NUP54: variants seen among roughly 807,000 people sequenced by gnomAD.
The protein encoded by NUP54 is nucleoporin 54.
Under a neutral mutation model 66.4 loss-of-function variants are expected in NUP54, and 27 were observed. The observed-to-expected ratio is 0.41, with a 90% confidence interval of 0.30 to 0.56. The LOEUF (loss-of-function observed/expected upper bound fraction) is 0.56, where lower values mean the gene tolerates loss of function less well. Ranked by LOEUF, NUP54 falls within the 20% of genes least tolerant of loss-of-function variation. The probability of loss-of-function intolerance (pLI) is 0.34; values close to 1 mark genes in which losing one functional copy is unlikely to be tolerated. For synonymous variants in NUP54, 206 were observed against 210.7 expected (o/e 0.98, Z 0.19); for missense variants, 486 against 596.3 (o/e 0.82, Z 1.93).
intron 9 of NUP54, among the ~76,000 whole-genome samples, chr4:76,120,354 A>G (rs1409275196): frequency 6.6e-6 from 1 of 150,944 alleles, no homozygotes; most frequent in African/African-American, 2.4e-5. Flanking sequence ...CCCTTTCCCC[A>G]CATTCCTGTC....
chr4:76,133,029 C>CTG (rs1730877864), intron 5 of NUP54, among the ~76,000 whole-genome samples: 1 of 147,570 alleles, frequency 6.8e-6, no homozygotes, highest in Non-Finnish European at 1.5e-5. Flanking sequence ...GTATGTGTGT[C>CTG]TATACATAAA....
Position 76,124,747 on chromosome 4 carries a change from C to T in NUP54, c.1066G>A (p.Glu356Lys). 1.6e-6 allele frequency: 2 copies of T among 1,264,756 alleles called. No individual in the cohort carries two copies. Among genetic ancestry groups the T allele is most frequent in the Non-Finnish European group, 2.2e-6 (2 of 893,456 alleles). 78.3% of individuals were successfully genotyped at this position (1,264,756 alleles called of 1,614,324 possible). A position where few individuals can be genotyped will look rare whatever the true frequency, so the allele number is the denominator to read the frequency against. The change falls in exon 9 of 12, where the codon GAA (glutamate) becomes AAA (lysine). Residue 356 changes from glutamate to lysine, a missense_variant. Glu to Lys is a moderately conservative substitution (Grantham distance 56). Coordinates refer to ENST00000264883, the MANE Select transcript of NUP54 (RefSeq NM_017426.4). ...QHQTRLDIIS[E>K]DISELQKNQT... ...TTCTTTTGTAGCTCACTAATATCTT[C>T]AGATATGATCTGTTTAAAAAAAAAT... is the stretch of plus-strand genomic sequence containing the variant.
rs146405163 is a variant in NUP54 at position 76,135,028 on chromosome 4, CATA to C, written c.523-669_523-667del. On this transcript the variant is annotated intron_variant, in intron 4 of 11. Coordinates refer to ENST00000264883, the MANE Select transcript of NUP54 (RefSeq NM_017426.4). ...ATGATGGGTTTATTGGGATGTAACC[CATA>C]ATAAGTTGAGGAGTATCTGTATATC... Among the ~76,000 whole-genome samples, 583 of 152,104 alleles carry C rather than the reference CATA, an allele frequency of 3.8e-3. 5 individuals are homozygous for C. The highest frequency in any genetic ancestry group is 0.014 in the African/African-American group (570 of 41,504).
intron 8 of NUP54, among the ~76,000 whole-genome samples, chr4:76,130,232 C>A (rs1044078725): frequency 2.6e-5 from 4 of 151,766 alleles, no homozygotes; most frequent in African/African-American, 9.7e-5. Flanking sequence ...TCCACCCACC[C>A]TGGTCTCCTA....
intron 3 of NUP54, among the ~76,000 whole-genome samples, chr4:76,139,588 T>C (rs1003421990): frequency 7.9e-5 from 12 of 152,190 alleles, no homozygotes; most frequent in Non-Finnish European, 1.5e-4. Flanking sequence ...GGTCCTTGTT[T>C]GGATCATGAT....
At chr4:76,125,619 G>GGAGAGGGA (rs1472335426) in intron 8 of NUP54, among the ~76,000 whole-genome samples, 30 of 82,212 alleles carry the variant, frequency 3.6e-4, no homozygotes, top group African/African-American at 1.1e-3. Flanking sequence ...TGGGCAAGAG[G>GGAGAGGGA]GAGAGGGAGA....
intron 8 of NUP54, among the ~76,000 whole-genome samples, chr4:76,127,816 C>T (rs963639700): frequency 3.9e-5 from 6 of 152,044 alleles, no homozygotes; most frequent in Non-Finnish European, 7.4e-5. Context: ...AAATAGGAAG[C>T]CCAGTGGAAA....
At chr4:76,131,692 G>A (rs1163921812) in intron 6 of NUP54, among the ~76,000 whole-genome samples, 1 of 151,948 alleles carries the variant, frequency 6.6e-6, no homozygotes, top group African/African-American at 2.4e-5. Context: ...TAACATTCCT[G>A]TTATGAATAT....
At chr4:76,130,059 C>A (rs1182349305) in intron 8 of NUP54, among the ~76,000 whole-genome samples, 2 of 129,950 alleles carry the variant, frequency 1.5e-5, no homozygotes, top group African/African-American at 5.7e-5. Flanking sequence ...CTGTTCACTG[C>A]AACCTCTGCC....
At chr4:76,128,678 A>G (rs980080588) in intron 8 of NUP54, among the ~76,000 whole-genome samples, 5 of 152,252 alleles carry the variant, frequency 3.3e-5, no homozygotes, top group African/African-American at 7.2e-5. Context: ...GTCCATGAAC[A>G]GATGAATGGA....
At chr4:76,127,109 T>C (rs913412465) in intron 8 of NUP54, among the ~76,000 whole-genome samples, 1 of 152,100 alleles carries the variant, frequency 6.6e-6, no homozygotes, top group African/African-American at 2.4e-5. Context: ...TTGATAATCA[T>C]TGAGGAATAT....
rs752030636 is a variant in NUP54 at position 76,130,605 on chromosome 4, T to A, written c.1056+51A>T. 4.1e-6 allele frequency: 5 copies of A among 1,209,190 alleles called. 1 individual carries two copies. In the South Asian group the frequency reaches 6.1e-5, roughly 15 times the overall value. The allele number at this position is 1,209,190 out of a possible 1,614,324, so 74.9% of individuals were successfully genotyped here. On this transcript the variant is annotated intron_variant, in intron 8 of 11. Transcript: ENST00000264883. ...TATACTAAAAAGAATTAAATGTCTA[T>A]AATCCCTTTCCCTACTTCCAGGGCC...
At position 76,115,358 on chromosome 4, in the gene NUP54, G is replaced by A; in HGVS notation, c.*8C>T. 6.3e-7 allele frequency: 1 copy of A among 1,581,214 alleles called. No individual in the cohort carries two copies. Among genetic ancestry groups the A allele is most frequent in the Non-Finnish European group, 8.6e-7 (1 of 1,167,928 alleles). On this transcript the variant is annotated 3_prime_UTR_variant, in exon 12 of 12. Coordinates refer to ENST00000264883, the MANE Select transcript of NUP54 (RefSeq NM_017426.4). The stretch of plus-strand genomic sequence containing the variant: ...ATTTCACAAACCTTTACACAAGTTT[G>A]TGAACTGTCAACTAAAGACACCACC...
rs766351530 is a variant in NUP54, at chr4:76,134,157, A to AT, written c.710+17dup. On this transcript the variant is annotated intron_variant, in intron 5 of 11. Coordinates refer to ENST00000264883, the MANE Select transcript of NUP54 (RefSeq NM_017426.4). ...AAATAAATACACAGAAATAAACAGT[A>AT]TATTTATGTATACTTACTGATCATC... is the stretch of plus-strand genomic sequence containing the variant. 18 of 1,534,778 alleles carry AT rather than the reference A, an allele frequency of 1.2e-5. No individual in the cohort carries two copies. The South Asian group carries it at 1.8e-4, about 15-fold the overall frequency.
intron 8 of NUP54, among the ~76,000 whole-genome samples, chr4:76,125,573 T>C (rs1358930519): frequency 8.5e-6 from 1 of 118,242 alleles, no homozygotes; most frequent in East Asian, 2.5e-4. Flanking sequence ...AGTTTGAGGT[T>C]GCAGTGAGCC....
At chr4:76,124,468 C>CA (rs1487059539) in intron 9 of NUP54, 181 bp downstream of exon 9, 18 of 380,240 alleles carry the variant, frequency 4.7e-5, no homozygotes, top group Non-Finnish European at 7.9e-5. Context: ...TTATTCTCCT[C>CA]ACTCAAACCT....
At chr4:76,146,610 T>C (rs1274045099) in intron 1 of NUP54, among the ~76,000 whole-genome samples, 1 of 152,190 alleles carries the variant, frequency 6.6e-6, no homozygotes, top group African/African-American at 2.4e-5. Context: ...ATGCATATAA[T>C]TGGCATGGGC....
At chr4:76,115,580 T>C in intron 11 of NUP54, 86 bp from the exon 12 acceptor site, 1 of 1,053,030 alleles carries the variant, frequency 9.5e-7, no homozygotes, top group Non-Finnish European at 1.3e-6. Flanking sequence ...CCACTTTGAC[T>C]ATTTTACTAG....
intron 4 of NUP54, 55 bp downstream of exon 4, chr4:76,136,131 A>G: frequency 8.5e-7 from 1 of 1,181,966 alleles, no homozygotes; most frequent in Non-Finnish European, 1.2e-6. Context: ...TAATCTAAAT[A>G]TATTTTCTGT....
Sources: allele counts gnomAD v4.1 joint callset (sites outside exome capture counted in the v4.1 genomes callset), GRCh38; gene constraint gnomAD v4.1.1; transcripts MANE v1.5; gene names NCBI Gene and HGNC (gene_info 2026-07-23, HGNC 2026-07-21).